NSMCE1: variants seen among roughly 807,000 people sequenced by gnomAD.
The protein encoded by NSMCE1 is NSE1 component of SMC5/6 complex.
A neutral mutation model predicts 29.6 loss-of-function variants in NSMCE1; 18 were observed. That is an observed-to-expected ratio of 0.61 (90% CI 0.42 to 0.90). The LOEUF is 0.90. Ranked by LOEUF, NSMCE1 falls within the 40% of genes least tolerant of loss-of-function variation. The pLI is 0.00. For missense variants in NSMCE1, 314 were observed against 343.6 expected, an observed-to-expected ratio of 0.91 and a Z score of 0.68; for synonymous variants, 124 against 133.4, an observed-to-expected ratio of 0.93 and a Z score of 0.49.
chr16:27,257,280 G>T (rs1280469872), intron 2 of NSMCE1, 155 bp downstream of exon 2: 2 of 551,088 alleles, frequency 3.6e-6, no homozygotes, highest in Non-Finnish European at 6.0e-6. Flanking sequence ...AGTGGAAGAT[G>T]AAATTAGAAA....
intron 2 of NSMCE1, among the ~76,000 whole-genome samples, chr16:27,236,443 T>C (rs554109057): frequency 1.3e-5 from 2 of 152,072 alleles, no homozygotes; most frequent in South Asian, 2.1e-4. Flanking sequence ...ATTACAGGCA[T>C]GCACCACCAC....
intron 1 of NSMCE1, among the ~76,000 whole-genome samples, chr16:27,264,295 C>T (rs1384194235): frequency 6.6e-6 from 1 of 152,198 alleles, no homozygotes; most frequent in African/African-American, 2.4e-5. Flanking sequence ...ACTGCTTCAG[C>T]TCGGGATGTC....
intron 2 of NSMCE1, among the ~76,000 whole-genome samples, chr16:27,250,715 C>G (rs1486602703): frequency 2.6e-5 from 4 of 151,678 alleles, no homozygotes; most frequent in African/African-American, 9.7e-5. Flanking sequence ...ACTGCTTAAA[C>G]CCAGGAGGCG....
At chr16:27,254,742 C>T (rs910133442) in intron 2 of NSMCE1, among the ~76,000 whole-genome samples, 1 of 152,056 alleles carries the variant, frequency 6.6e-6, no homozygotes, top group African/African-American at 2.4e-5. Context: ...TGTGCCAGCA[C>T]ACCTGGCTAA....
intron 1 of NSMCE1, among the ~76,000 whole-genome samples, chr16:27,261,183 A>AG (rs2084153817): frequency 6.8e-6 from 1 of 148,018 alleles, no homozygotes; most frequent in Non-Finnish European, 1.5e-5. Flanking sequence ...AAAAAAAAAA[A>AG]GAAACTATAA....
intron 3 of NSMCE1, among the ~76,000 whole-genome samples, 192 bp from the exon 4 acceptor site, chr16:27,234,457 T>A (rs1295120642): frequency 6.6e-6 from 1 of 152,218 alleles, no homozygotes; most frequent in African/African-American, 2.4e-5. Context: ...TCAGCCAACA[T>A]GCTGGGCCCT....
chr16:27,234,915 G>C (rs1444392094), intron 3 of NSMCE1, among the ~76,000 whole-genome samples: 2 of 152,238 alleles, frequency 1.3e-5, no homozygotes, highest in Non-Finnish European at 2.9e-5. Flanking sequence ...CTACCTGTGA[G>C]AGTAAATCTG....
intron 2 of NSMCE1, among the ~76,000 whole-genome samples, chr16:27,250,438 A>ATTGTTT (rs1248006713): frequency 1.3e-5 from 2 of 148,748 alleles, no homozygotes. Flanking sequence ...TGCTGAGGGT[A>ATTGTTT]TTGTTTTTGT....
intron 2 of NSMCE1, among the ~76,000 whole-genome samples, chr16:27,235,670 C>T (rs951976545): frequency 1.3e-5 from 2 of 152,260 alleles, no homozygotes; most frequent in Non-Finnish European, 2.9e-5. Flanking sequence ...GCCGCACAAA[C>T]ATCCTATCCC....
chr16:27,239,947 C>T (rs901792759), intron 2 of NSMCE1, among the ~76,000 whole-genome samples: 4 of 138,122 alleles, frequency 2.9e-5, no homozygotes. Flanking sequence ...CTATGATTAC[C>T]TTATTATGTG....
At chr16:27,229,314 C>T (rs2083739016) in intron 5 of NSMCE1, among the ~76,000 whole-genome samples, 2 of 152,248 alleles carry the variant, frequency 1.3e-5, no homozygotes, top group Admixed American at 1.3e-4. Context: ...AGCCATGTTT[C>T]CTTTCCATCT....
Position 27,234,215 on chromosome 16 carries a change from C to G in NSMCE1, c.309G>C (p.Glu103Asp). ...CCTTTCTAAACAAATCCAGTTCATT[C>G]TCTGCAAAATCCGTAGCCATTTTGG... ...SISKMATDFA[E>D]NELDLFRKAL... Residue 103 changes from glutamate to aspartate, a missense_variant, in exon 4 of 8, where the codon GAG (glutamate) becomes GAC (aspartate). By Grantham distance (45) the Glu-to-Asp change is conservative (BLOSUM62 2). Coordinates refer to ENST00000361439, the MANE Select transcript of NSMCE1 (RefSeq NM_145080.4). 1 of 1,613,470 alleles carries G rather than the reference C, an allele frequency of 6.2e-7. No homozygotes were observed. The highest frequency in any genetic ancestry group is 2.2e-5 in the East Asian group (1 of 44,896).
intron 2 of NSMCE1, among the ~76,000 whole-genome samples, chr16:27,256,062 C>T (rs2084083693): frequency 6.6e-6 from 1 of 152,152 alleles, no homozygotes; most frequent in African/African-American, 2.4e-5. Flanking sequence ...AGAATGAAAG[C>T]ATCTTTTTGC....
At chr16:27,267,462 G>A (rs1257643771) in intron 1 of NSMCE1, among the ~76,000 whole-genome samples, 2 of 152,090 alleles carry the variant, frequency 1.3e-5, no homozygotes, top group Non-Finnish European at 2.9e-5. Flanking sequence ...TGGTGGCAGA[G>A]ATAGACGTGA....
intron 1 of NSMCE1, 120 bp from the exon 2 acceptor site, chr16:27,257,701 A>G (rs1446274945): frequency 2.3e-6 from 2 of 877,820 alleles, no homozygotes; most frequent in East Asian, 2.8e-5. Flanking sequence ...GTCATTCTTC[A>G]TGCTGTTTAC....
intron 1 of NSMCE1, chr16:27,268,304 G>A (rs960330918): frequency 6.6e-6 from 1 of 152,108 alleles, no homozygotes; most frequent in Non-Finnish European, 1.5e-5. Context: ...CAAAGAGGGT[G>A]GTCGGCAAAG....
In NSMCE1 at chr16:27,231,533, A is replaced by C. The variant is rs149999204; in HGVS notation, c.483+1468T>G. Among the ~76,000 whole-genome samples, 278 of 152,082 alleles carry C rather than the reference A, an allele frequency of 1.8e-3. 1 individual carries two copies. The highest frequency in any genetic ancestry group is 6.5e-3 in the African/African-American group (269 of 41,490). On this transcript the variant is annotated intron_variant, in intron 5 of 7. Transcript: ENST00000361439. ...ATGCTTGTGATTCCAGCTACTTGGG[A>C]GGCTGAGGCAGGAGAATCGCTTGAA...
chr16:27,260,992 C>A (rs1430776409), intron 1 of NSMCE1, among the ~76,000 whole-genome samples: 1 of 150,768 alleles, frequency 6.6e-6, no homozygotes, highest in Admixed American at 6.6e-5. Flanking sequence ...CATGGTGAAA[C>A]CCCATCTCTA....
intron 2 of NSMCE1, among the ~76,000 whole-genome samples, chr16:27,252,771 T>G (rs781593626): frequency 2.6e-5 from 4 of 151,296 alleles, no homozygotes; most frequent in Non-Finnish European, 5.9e-5. Flanking sequence ...CCACAAAAAT[T>G]AGCCGGGTGT....
Sources: allele counts gnomAD v4.1 joint callset (sites outside exome capture counted in the v4.1 genomes callset), GRCh38; gene constraint gnomAD v4.1.1; transcripts MANE v1.5; gene names NCBI Gene and HGNC (gene_info 2026-07-23, HGNC 2026-07-21).